Variants in PLCG2 observed in about 807,000 individuals in gnomAD.
The protein encoded by PLCG2 is 1-phosphatidylinositol 4,5-bisphosphate phosphodiesterase gamma-2.
A neutral mutation model predicts 175.6 loss-of-function variants in PLCG2; 69 were observed. The ratio of observed to expected loss-of-function variants is 0.39; its 90% CI spans 0.32 to 0.48. The LOEUF (loss-of-function observed/expected upper bound fraction) is 0.48. PLCG2 is among the 20% of genes least tolerant of loss of function. The probability of loss-of-function intolerance (pLI) is 0.91; values close to 1 mark genes in which losing one functional copy is unlikely to be tolerated. For missense variants in PLCG2, 1,798 were observed against 1,650.9 expected (o/e 1.09, Z -1.54); for synonymous variants, 827 against 624.0 (o/e 1.33, Z -4.85).
At chr16:81,930,228 G>A (rs1910443994) in intron 24 of PLCG2, among the ~76,000 whole-genome samples, 1 of 152,080 alleles carries the variant, frequency 6.6e-6, no homozygotes, top group African/African-American at 2.4e-5. Context: ...AATATTGCCT[G>A]GTATATAAGA....
At chr16:81,826,403 C>T (rs1329197436) in intron 2 of PLCG2, among the ~76,000 whole-genome samples, 2 of 152,172 alleles carry the variant, frequency 1.3e-5, no homozygotes, top group African/African-American at 4.8e-5. Context: ...GTTCCCTGGG[C>T]TCCAGTTTCA....
Position 81,897,360 on chromosome 16 carries a change from C to G in PLCG2, c.1193+1433C>G, listed in dbSNP as rs139047795. On this transcript the variant is annotated intron_variant, in intron 13 of 32. Coordinates refer to ENST00000564138, the MANE Select transcript of PLCG2 (RefSeq NM_002661.5). ...GTTGAGTACTAGTTTGGGCAAAGCA[C>G]TTACCATCCTATGCTTCAATTTCCA... Among the ~76,000 whole-genome samples the G allele has an allele frequency of 1.3e-4, 20 of 152,294 alleles. No homozygotes were observed. The East Asian group carries it at 3.5e-3, about 26-fold the overall frequency.
chr16:81,765,816 C>G (rs1048672133), intron 2 of PLCG2, among the ~76,000 whole-genome samples: 1 of 152,090 alleles, frequency 6.6e-6, no homozygotes, highest in African/African-American at 2.4e-5. Flanking sequence ...AGTTCAGACC[C>G]GATGCAAAAG....
At position 81,786,159 on chromosome 16, in the gene PLCG2, C is replaced by G. The variant is rs1429527089; in HGVS notation, c.170C>G (p.Thr57Ser). Reference protein sequence around the residue: ...METRQVAWSKTADKIEGFLDI... With the variant: ...METRQVAWSKSADKIEGFLDI... ...ACGCGGCAGGTGGCCTGGAGCAAGA[C>G]CGCTGACAAGATCGAGGGCTTCTGT... Residue 57 changes from threonine to serine, a missense_variant, in exon 2 of 33, where the codon ACC (threonine) becomes AGC (serine). By Grantham distance (58) the Thr-to-Ser change is moderately conservative. Coordinates refer to ENST00000564138, the MANE Select transcript of PLCG2 (RefSeq NM_002661.5). 1 of 1,614,124 alleles carries G rather than the reference C, an allele frequency of 6.2e-7. No homozygotes were observed.
chr16:81,900,531 G>A (rs1248118753), intron 13 of PLCG2, 81 bp from the exon 14 acceptor site: 1 of 1,316,132 alleles, frequency 7.6e-7, no homozygotes, highest in Non-Finnish European at 1.0e-6. Flanking sequence ...TCGTCCCAGG[G>A]AGCTGCCCTG....
At chr16:81,791,447 C>G (rs763962096) in intron 2 of PLCG2, among the ~76,000 whole-genome samples, 1 of 152,140 alleles carries the variant, frequency 6.6e-6, no homozygotes, top group Non-Finnish European at 1.5e-5. Flanking sequence ...AATTCTTCTA[C>G]TCTTTGTAGC....
At chr16:81,773,904 C>T (rs1333991860) in intron 2 of PLCG2, among the ~76,000 whole-genome samples, 3 of 152,072 alleles carry the variant, frequency 2.0e-5, no homozygotes, top group African/African-American at 7.2e-5. Flanking sequence ...CACTCTGTGC[C>T]CATCATGCAG....
At chr16:81,825,121 G>A (rs1284481611) in intron 2 of PLCG2, among the ~76,000 whole-genome samples, 7 of 152,148 alleles carry the variant, frequency 4.6e-5, no homozygotes, top group African/African-American at 9.7e-5. Flanking sequence ...AGCGAGACCC[G>A]TTTTGGAAAT....
rs752211385 is a variant in PLCG2, at chr16:81,854,565, C to T, written c.315C>T (p.Val105=). ...CCATCCTATATGGCACTCAGTTCGTCCTCAGCACGCTCAGCTTGGCAGGTA... is the reference window on the plus strand; with the variant it reads ...CCATCCTATATGGCACTCAGTTCGTTCTCAGCACGCTCAGCTTGGCAGGTA... ...CFTILYGTQF[V]LSTLSLAADS... The change falls in exon 3 of 33, where the codon GTC becomes GTT. Residue 105 remains valine (V), a synonymous_variant. Transcript: ENST00000564138. 1.7e-5 allele frequency: 27 copies of T among 1,613,920 alleles called. No homozygotes were observed. The Middle Eastern group carries it at 6.6e-4, about 39-fold the overall frequency.
At chr16:81,853,145 A>G (rs536387762) in intron 2 of PLCG2, among the ~76,000 whole-genome samples, 1 of 152,188 alleles carries the variant, frequency 6.6e-6, no homozygotes, top group Admixed American at 6.5e-5. Context: ...AGCCTGGCCA[A>G]CATGATGAAA....
At position 81,785,996 on chromosome 16, in the gene PLCG2, A is replaced by C; in HGVS notation, c.7A>C (p.Thr3Pro). MS[T>P]TVNVDSLAEY... ...CTCCCTGGAGCGGCCGACAATGTCC[A>C]CCACGGTCAATGTAGATTCCCTTGC... The change falls in exon 2 of 33, where the codon ACC (threonine) becomes CCC (proline). Residue 3 changes from threonine (T) to proline (P), a missense_variant. By Grantham distance (38) the Thr-to-Pro change is conservative. Coordinates refer to ENST00000564138, the MANE Select transcript of PLCG2 (RefSeq NM_002661.5). The C allele has an allele frequency of 6.2e-7, 1 of 1,613,610 alleles. No individual in the cohort carries two copies. The highest frequency in any genetic ancestry group is 8.5e-7 in the Non-Finnish European group (1 of 1,179,620).
intron 26 of PLCG2, chr16:81,935,774 A>G (rs1393026263): frequency 2.0e-6 from 2 of 985,078 alleles, no homozygotes; most frequent in Non-Finnish European, 2.4e-6. Flanking sequence ...GGTGATTCTC[A>G]GTTTGTTCAT....
chr16:81,825,942 A>G (rs9940492), intron 2 of PLCG2, among the ~76,000 whole-genome samples: 5,880 of 152,296 alleles, frequency 0.039, 156 homozygotes, highest in African/African-American at 0.069. Context: ...ATCAGATGGC[A>G]TTGGACCAGA....
intron 2 of PLCG2, among the ~76,000 whole-genome samples, chr16:81,757,139 A>C (rs1909945008): frequency 6.6e-6 from 1 of 152,142 alleles, no homozygotes; most frequent in Admixed American, 6.5e-5. Flanking sequence ...CAAAGGAAAA[A>C]GGGAGCTCTA....
intron 7 of PLCG2, 90 bp from the exon 8 acceptor site, chr16:81,880,820 A>G (rs1908041041): frequency 8.6e-7 from 1 of 1,167,322 alleles, no homozygotes; most frequent in African/African-American, 1.5e-5. Context: ...ATCTGACAAA[A>G]TGATGCTTTT....
chr16:81,858,210 A>C (rs1906781173), intron 3 of PLCG2, 53 bp from the exon 4 acceptor site: 1 of 1,248,894 alleles, frequency 8.0e-7, no homozygotes. Flanking sequence ...CTTTGTAAGC[A>C]GACGTCTTCC....
At chr16:81,842,383 C>T (rs1356724917) in intron 2 of PLCG2, among the ~76,000 whole-genome samples, 1 of 152,178 alleles carries the variant, frequency 6.6e-6, no homozygotes, top group Non-Finnish European at 1.5e-5. Context: ...GCCTGTCCTC[C>T]CTCCCAGACT....
intron 2 of PLCG2, among the ~76,000 whole-genome samples, chr16:81,803,966 C>A (rs578027832): frequency 6.6e-6 from 1 of 152,178 alleles, no homozygotes; most frequent in Non-Finnish European, 1.5e-5. Context: ...CAGGTATGAG[C>A]CACCGTGCCT....
intron 25 of PLCG2, among the ~76,000 whole-genome samples, chr16:81,933,107 T>C (rs1910572239): frequency 6.6e-6 from 1 of 152,266 alleles, no homozygotes; most frequent in African/African-American, 2.4e-5. Flanking sequence ...TGAAGGTTCC[T>C]GAAATGAAGC....
Sources: allele counts gnomAD v4.1 joint callset (sites outside exome capture counted in the v4.1 genomes callset), GRCh38; gene constraint gnomAD v4.1.1; transcripts MANE v1.5; gene names NCBI Gene and HGNC (gene_info 2026-07-23, HGNC 2026-07-21).